The following ABL1 variants were observed in gnomAD, a reference collection of about 807,000 sequenced individuals.
ABL1 encodes the protein tyrosine-protein kinase ABL1.
In ABL1, 11 loss-of-function variants were observed where a neutral mutation model predicts 94.7. The observed-to-expected ratio is 0.12, with a 90% CI of 0.07 to 0.19. ABL1 has a LOEUF of 0.19. Among genes scored for constraint, ABL1 ranks in the 10% least tolerant of loss-of-function variants. The pLI is 1.00. For missense variants in ABL1, 1,082 were observed against 1,489.4 expected (o/e 0.73, Z 4.50); for synonymous variants, 656 against 622.4 (o/e 1.05, Z -0.80).
intron 1 of ABL1, among the ~76,000 whole-genome samples, chr9:130,730,046 C>CTTTTTTTTTT (rs138446676): frequency 6.5e-5 from 7 of 107,178 alleles, no homozygotes; most frequent in African/African-American, 1.6e-4. Context: ...CCCAGCCAGA[C>CTTTTTTTTTT]TTTTTTTTTT....
intron 7 of ABL1, among the ~76,000 whole-genome samples, chr9:130,876,647 C>T (rs1564320336): frequency 6.6e-6 from 1 of 151,228 alleles, no homozygotes; most frequent in African/African-American, 2.4e-5. Flanking sequence ...CCTTGAACTT[C>T]TGAGCTCAGG....
intron 1 of ABL1, among the ~76,000 whole-genome samples, chr9:130,844,395 C>T (rs1331648729): frequency 1.3e-5 from 2 of 152,132 alleles, no homozygotes; most frequent in Non-Finnish European, 2.9e-5. Flanking sequence ...TTCAGAATGG[C>T]CTTGAAGATA....
At chr9:130,839,541 A>G (rs1471412477) in intron 1 of ABL1, among the ~76,000 whole-genome samples, 1 of 152,214 alleles carries the variant, frequency 6.6e-6, no homozygotes, top group Admixed American at 6.5e-5. Flanking sequence ...GTGCAGCCTC[A>G]CTTAATTTTC....
chr9:130,885,364 G>A lies in ABL1; in HGVS notation c.3074G>A (p.Gly1025Asp). The A allele has an allele frequency of 1.2e-6, 2 of 1,613,644 alleles. No homozygotes were observed. Among genetic ancestry groups the A allele is most frequent in the Non-Finnish European group, 1.7e-6 (2 of 1,180,032 alleles). ...CAGCCTCCAGAGCGGATCGCCAGCG[G>A]CGCCATCACCAAGGGCGTGGTCCTG... is the stretch of plus-strand genomic sequence containing the variant. The part of the protein sequence containing the change: ...TRQPPERIAS[G>D]AITKGVVLDS... Residue 1025 changes from glycine (G) to aspartate (D), a missense_variant, in exon 11 of 11, where the codon GGC (glycine) becomes GAC (aspartate). Physicochemically the swap from Gly to Asp is moderately conservative, Grantham distance 94. Around this residue, in one of 7 missense-constraint regions of ABL1, gnomAD observed 780 missense variants for 835.8 expected, o/e 0.93. Coordinates refer to ENST00000318560, the MANE Select transcript of ABL1 (RefSeq NM_005157.6).
intron 1 of ABL1, among the ~76,000 whole-genome samples, chr9:130,745,926 A>G (rs1212908244): frequency 2.1e-5 from 3 of 142,444 alleles, no homozygotes; most frequent in Non-Finnish European, 4.7e-5. Context: ...TGGGCTTTGT[A>G]CTTAACGGAC....
intron 1 of ABL1, among the ~76,000 whole-genome samples, chr9:130,740,442 G>C (rs1187373786): frequency 6.6e-6 from 1 of 152,222 alleles, no homozygotes; most frequent in Non-Finnish European, 1.5e-5. Context: ...GACATCATCA[G>C]CTCCTTGCTG....
At chr9:130,726,946 GTGTT>G (rs1222510015) in intron 1 of ABL1, among the ~76,000 whole-genome samples, 3 of 152,164 alleles carry the variant, frequency 2.0e-5, no homozygotes, top group African/African-American at 7.2e-5. Flanking sequence ...TATTATCAAA[GTGTT>G]TGATTTCCAA....
intron 1 of ABL1, among the ~76,000 whole-genome samples, chr9:130,809,417 A>AGAGAGAGAGAGAGT (rs1389499231): frequency 2.1e-4 from 18 of 84,410 alleles, no homozygotes; most frequent in South Asian, 5.2e-4. Context: ...AGAGAGAGAG[A>AGAGAGAGAGAGAGT]GTGTGTGTGT....
intron 1 of ABL1, among the ~76,000 whole-genome samples, chr9:130,746,525 A>G (rs527688501): frequency 3.3e-5 from 5 of 149,490 alleles, no homozygotes; most frequent in Non-Finnish European, 5.9e-5. Context: ...AAATGGAAGC[A>G]TCTAGTATGT....
intron 1 of ABL1, among the ~76,000 whole-genome samples, chr9:130,815,357 G>T (rs1304498785): frequency 6.6e-6 from 1 of 152,094 alleles, no homozygotes; most frequent in Non-Finnish European, 1.5e-5. Context: ...ATAAAAAACT[G>T]AACTTCATAT....
intron 1 of ABL1, among the ~76,000 whole-genome samples, chr9:130,716,321 T>C (rs1831440562): frequency 6.6e-6 from 1 of 152,174 alleles, no homozygotes; most frequent in South Asian, 2.1e-4. Context: ...GGTCCTGAAC[T>C]CTTGACCTCA....
At chr9:130,754,049 T>A in intron 1 of ABL1, among the ~76,000 whole-genome samples, 1 of 140,310 alleles carries the variant, frequency 7.1e-6, no homozygotes, top group Non-Finnish European at 1.5e-5. Flanking sequence ...TACTAAAATA[T>A]AAAAAAAATT....
At chr9:130,727,454 T>C (rs1831601024) in intron 1 of ABL1, among the ~76,000 whole-genome samples, 1 of 152,104 alleles carries the variant, frequency 6.6e-6, no homozygotes, top group Non-Finnish European at 1.5e-5. Context: ...ATTCTATCAC[T>C]TCTTTTACTC....
intron 1 of ABL1, among the ~76,000 whole-genome samples, chr9:130,747,780 C>T (rs1490606667): frequency 1.3e-5 from 2 of 152,106 alleles, no homozygotes; most frequent in Admixed American, 6.5e-5. Flanking sequence ...AGGATAATGC[C>T]CCCATCTCAA....
In ABL1 at chr9:130,872,276, C is replaced by A. The variant is rs1831263665; in HGVS notation, c.907+63C>A. ...CCGCACCCCCAGGGTGACACAGGCG[C>A]TGGGGAAGACGCACGGGCGGCTCAC... is the stretch of plus-strand genomic sequence containing the variant. On this transcript the variant is annotated intron_variant, in intron 5 of 10. Transcript: ENST00000318560. This position sits in a 1 kb window ranked among gnomAD's most constrained non-coding sequence, Gnocchi z 5.0. 6.7e-7 allele frequency: 1 copy of A among 1,484,348 alleles called. No homozygotes were observed. The highest frequency in any genetic ancestry group is 9.3e-7 in the Non-Finnish European group (1 of 1,075,110). The allele number at this position is 1,484,348 out of a possible 1,614,324, so 91.9% of individuals were successfully genotyped here. A position where few individuals can be genotyped will look rare whatever the true frequency, so the allele number is the denominator to read the frequency against.
intron 1 of ABL1, among the ~76,000 whole-genome samples, chr9:130,851,114 C>CG (rs918968340): frequency 2.8e-4 from 42 of 152,060 alleles, no homozygotes; most frequent in African/African-American, 1.0e-3. Context: ...TTAGTAGAGA[C>CG]GGGGCTTCAC....
intron 1 of ABL1, among the ~76,000 whole-genome samples, chr9:130,772,832 G>A (rs556328794): frequency 6.6e-6 from 1 of 152,328 alleles, no homozygotes; most frequent in South Asian, 2.1e-4. Flanking sequence ...AAACATGATA[G>A]ACAAACTTTA....
At position 130,884,206 on chromosome 9, in the gene ABL1, G is replaced by T; in HGVS notation, c.1916G>T (p.Arg639Leu). 2 of 1,610,402 alleles carry T rather than the reference G, an allele frequency of 1.2e-6. No homozygotes were observed. The highest frequency in any genetic ancestry group is 1.7e-6 in the Non-Finnish European group (2 of 1,178,852). Residue 639 changes from arginine to leucine, a missense_variant, in exon 11 of 11, where the codon CGA becomes CTA. Around this residue, in one of 7 missense-constraint regions of ABL1, gnomAD observed 780 missense variants for 835.8 expected, o/e 0.93. Transcript: ENST00000318560. The surrounding 1 kb of genome is among the most constrained non-coding windows in gnomAD (Gnocchi z 5.6). ...AGAGGGGCCGGCGAGGAAGAGGGCC[G>T]AGACATCAGCAACGGGGCACTGGCT... ...ERRGAGEEEG[R>L]DISNGALAFT...
intron 1 of ABL1, among the ~76,000 whole-genome samples, chr9:130,721,320 G>T (rs543557788): frequency 6.6e-6 from 1 of 152,080 alleles, no homozygotes; most frequent in Non-Finnish European, 1.5e-5. Context: ...AGAGGTTGCA[G>T]TGAGCCAAGA....
Sources: allele counts gnomAD v4.1 joint callset (sites outside exome capture counted in the v4.1 genomes callset), GRCh38; gene constraint gnomAD v4.1.1; regional missense constraint gnomAD v4.1.1; non-coding constraint Gnocchi (gnomAD v3.1); transcripts MANE v1.5; gene names NCBI Gene and HGNC (gene_info 2026-07-23, HGNC 2026-07-21).